Variants in KCNMA1 observed in about 807,000 individuals in gnomAD.
KCNMA1 encodes the protein potassium calcium-activated channel subfamily M alpha 1, also known as Calcium-activated potassium channel subunit alpha-1.
A neutral mutation model predicts 140.0 loss-of-function variants in KCNMA1; 29 were observed. The observed-to-expected ratio is 0.21, with a 90% confidence interval of 0.15 to 0.28. The LOEUF is 0.28. KCNMA1 is among the 10% of genes least tolerant of loss of function. KCNMA1 has a pLI of 1.00. For synonymous variants in KCNMA1, 612 were observed against 611.9 expected (o/e 1.00, Z 0.00); for missense variants, 880 against 1,602.2 (o/e 0.55, Z 7.70).
At chr10:77,435,917 T>C (rs1305714610) in intron 1 of KCNMA1, among the ~76,000 whole-genome samples, 1 of 152,202 alleles carries the variant, frequency 6.6e-6, no homozygotes, top group South Asian at 2.1e-4. Context: ...GGATGAACCA[T>C]GGGACCCAGA....
chr10:77,371,835 T>C (rs142075800), intron 2 of KCNMA1, among the ~76,000 whole-genome samples: 1 of 152,296 alleles, frequency 6.6e-6, no homozygotes, highest in Non-Finnish European at 1.5e-5. Flanking sequence ...CTGGGAGCAA[T>C]TCCCCTCCTA....
At chr10:77,516,638 T>C (rs2050567865) in intron 1 of KCNMA1, among the ~76,000 whole-genome samples, 1 of 152,272 alleles carries the variant, frequency 6.6e-6, no homozygotes, top group Non-Finnish European at 1.5e-5. Context: ...CTCTATATGC[T>C]GAGAGGCAGC....
intron 1 of KCNMA1, among the ~76,000 whole-genome samples, chr10:77,466,352 C>T (rs1331509758): frequency 6.6e-6 from 1 of 152,164 alleles, no homozygotes; most frequent in East Asian, 1.9e-4. Context: ...TTCTTCATCT[C>T]CAAAGCCCAA....
At chr10:77,204,074 GGA>G (rs1416990103) in intron 3 of KCNMA1, among the ~76,000 whole-genome samples, 1 of 150,990 alleles carries the variant, frequency 6.6e-6, no homozygotes, top group Non-Finnish European at 1.5e-5. Flanking sequence ...CCAGCCTGGG[GGA>G]CACAGTGAGA....
rs12414555 is a variant in KCNMA1 at position 77,236,228 on chromosome 10, A to G, written c.602+14967T>C. Among the ~76,000 whole-genome samples, 820 of 152,336 alleles carry G rather than the reference A, an allele frequency of 5.4e-3. 38 individuals are homozygous for G. In the East Asian group the frequency reaches 0.12, roughly 22 times the overall value. On this transcript the variant is annotated intron_variant, in intron 3 of 27. Transcript: ENST00000286628. ...GAGGTAACACGATCCATGACTCCAC[A>G]TGGAGGAGATAATGAAAGCACCATA...
intron 1 of KCNMA1, among the ~76,000 whole-genome samples, chr10:77,416,506 CCA>C (rs1169663942): frequency 6.6e-6 from 1 of 152,216 alleles, no homozygotes; most frequent in African/African-American, 2.4e-5. Flanking sequence ...AAGAATTCAA[CCA>C]CAGATAGCAG....
At chr10:77,618,695 G>A (rs1205070059) in intron 1 of KCNMA1, among the ~76,000 whole-genome samples, 1 of 152,200 alleles carries the variant, frequency 6.6e-6, no homozygotes, top group Non-Finnish European at 1.5e-5. Flanking sequence ...CTGGGCTTCA[G>A]TTTCCACAAC....
At chr10:77,080,070 G>A (rs2096526521) in intron 12 of KCNMA1, among the ~76,000 whole-genome samples, 1 of 152,090 alleles carries the variant, frequency 6.6e-6, no homozygotes, top group South Asian at 2.1e-4. Context: ...CCATGAAAGA[G>A]GAAACCCTTT....
intron 1 of KCNMA1, among the ~76,000 whole-genome samples, chr10:77,479,491 ACT>A: frequency 6.6e-6 from 1 of 151,970 alleles, no homozygotes; most frequent in Non-Finnish European, 1.5e-5. Flanking sequence ...CTCCCCAAAG[ACT>A]CTCTGGCCCC....
intron 2 of KCNMA1, among the ~76,000 whole-genome samples, chr10:77,282,411 T>G (rs1351697127): frequency 6.6e-6 from 1 of 152,194 alleles, no homozygotes; most frequent in Non-Finnish European, 1.5e-5. Flanking sequence ...ACCAGTCTTC[T>G]TTCATCATGG....
intron 1 of KCNMA1, among the ~76,000 whole-genome samples, chr10:77,520,000 CATATGCAGTGTGAGGGCT>C (rs2052347707): frequency 4.5e-4 from 27 of 59,960 alleles, no homozygotes; most frequent in Middle Eastern, 0.021. Context: ...TGAGGTCTGG[CATATGCAGTGTGAGGGCT>C]GGGGTATGCA....
At chr10:77,379,092 A>G (rs1422427518) in intron 2 of KCNMA1, among the ~76,000 whole-genome samples, 2 of 152,240 alleles carry the variant, frequency 1.3e-5, no homozygotes, top group Non-Finnish European at 2.9e-5. Context: ...TTGGCACCAT[A>G]GAAAACAGTG....
intron 2 of KCNMA1, chr10:77,350,847 C>T (rs1230009525): frequency 4.6e-5 from 7 of 152,170 alleles, no homozygotes; most frequent in Non-Finnish European, 1.0e-4. Context: ...TGGGATGATG[C>T]TCTGGGCAAC....
intron 1 of KCNMA1, among the ~76,000 whole-genome samples, chr10:77,443,492 C>T (rs551280127): frequency 6.6e-6 from 1 of 152,162 alleles, no homozygotes; most frequent in Admixed American, 6.5e-5. Flanking sequence ...GAGAGAATGG[C>T]AGCCCCTCAT....
intron 5 of KCNMA1, among the ~76,000 whole-genome samples, chr10:77,172,701 A>C (rs1396484453): frequency 1.4e-4 from 8 of 55,868 alleles, no homozygotes; most frequent in South Asian, 1.1e-3. Context: ...TCAAAAAAAA[A>C]CAAAAAAAAA....
chr10:76,875,576 T>C (rs903201378), downstream of KCNMA1: 3 of 152,248 alleles, frequency 2.0e-5, no homozygotes, highest in South Asian at 2.1e-4. Context: ...GTCCCTCTAA[T>C]GGAAGATCCT....
chr10:76,952,483 C>T (rs980155208), intron 21 of KCNMA1, among the ~76,000 whole-genome samples: 4 of 152,132 alleles, frequency 2.6e-5, no homozygotes, highest in Non-Finnish European at 5.9e-5. Context: ...GGGCTCTGCA[C>T]TCCAGCCTGG....
At chr10:77,179,793 T>C (rs902337651) in intron 5 of KCNMA1, among the ~76,000 whole-genome samples, 8 of 152,126 alleles carry the variant, frequency 5.3e-5, no homozygotes, top group Admixed American at 3.9e-4. Flanking sequence ...AATGGGGAAA[T>C]GACAAGTCCT....
chr10:76,931,104 G>C (rs2152692463), intron 23 of KCNMA1, among the ~76,000 whole-genome samples: 1 of 152,162 alleles, frequency 6.6e-6, no homozygotes, highest in Middle Eastern at 3.4e-3. Context: ...GTGCTGTGTA[G>C]TACACTTGAA....
Sources: allele counts gnomAD v4.1 joint callset (sites outside exome capture counted in the v4.1 genomes callset), GRCh38; gene constraint gnomAD v4.1.1; transcripts MANE v1.5; gene names NCBI Gene and HGNC (gene_info 2026-07-23, HGNC 2026-07-21).